The following ERICH1 variants were observed in gnomAD, a reference collection of about 807,000 sequenced individuals.
ERICH1 encodes the protein glutamate-rich protein 1.
In ERICH1, 56 loss-of-function variants were observed where a neutral mutation model predicts 39.6. That is an observed-to-expected ratio of 1.41 (90% CI 1.14 to 1.77). The LOEUF (loss-of-function observed/expected upper bound fraction) is 1.77. ERICH1 is among the 40% of genes most tolerant of loss of function. The pLI is 0.00. For synonymous variants in ERICH1, 313 were observed against 223.6 expected, an observed-to-expected ratio of 1.40 and a Z score of -3.57; for missense variants, 826 against 575.4, an observed-to-expected ratio of 1.44 and a Z score of -4.45.
intron 3 of ERICH1, among the ~76,000 whole-genome samples, chr8:616,960 C>CAGAGAGAGAGAGAGAGAGAG (rs1188369957): frequency 1.0e-4 from 1 of 9,944 alleles, no homozygotes. Flanking sequence ...GAGACAGAGA[C>CAGAGAGAGAGAGAGAGAGAG]ACACAGAGAG....
chr8:652,893 G>A (rs539378104), intron 3 of ERICH1, among the ~76,000 whole-genome samples: 29 of 152,284 alleles, frequency 1.9e-4, no homozygotes, highest in African/African-American at 1.7e-4. Context: ...TCAAAACCAC[G>A]AGGTGCTGCT....
intron 3 of ERICH1, among the ~76,000 whole-genome samples, chr8:684,361 G>A (rs142792771): frequency 1.4e-4 from 22 of 152,140 alleles, no homozygotes; most frequent in African/African-American, 5.3e-4. Context: ...TAAAGCCACA[G>A]TAAATAAAAA....
chr8:706,835 A>T (rs1813391776), intron 2 of ERICH1, among the ~76,000 whole-genome samples: 1 of 152,230 alleles, frequency 6.6e-6, no homozygotes, highest in Non-Finnish European at 1.5e-5. Flanking sequence ...TGGTTGAAAG[A>T]AATTAAAAAG....
intron 3 of ERICH1, among the ~76,000 whole-genome samples, chr8:642,552 G>C (rs567410908): frequency 6.6e-6 from 1 of 151,964 alleles, no homozygotes; most frequent in South Asian, 2.1e-4. Context: ...CACTGTGTTA[G>C]CCAGGATGGT....
In ERICH1 at chr8:691,401, C is replaced by T. The variant is rs565282498; in HGVS notation, c.304+1077G>A. Among the ~76,000 whole-genome samples the T allele has an allele frequency of 1.3e-3, 205 of 152,370 alleles. 2 individuals carry two copies. Among genetic ancestry groups the T allele is most frequent in the Admixed American group, 3.6e-3 (55 of 15,310 alleles). On this transcript the variant is annotated intron_variant, in intron 3 of 5. Coordinates refer to ENST00000262109, the MANE Select transcript of ERICH1 (RefSeq NM_207332.3). ...GGCTCATGGCCAAGCGAGCCTTCTA[C>T]CCTGGGGTCCAGCACAGGCCTGTCC...
At chr8:656,785 G>A in intron 3 of ERICH1, 2 of 985,454 alleles carry the variant, frequency 2.0e-6, no homozygotes, top group Non-Finnish European at 2.4e-6. Context: ...GCACAGCAGT[G>A]GTTCCCAGAC....
At chr8:708,681 G>GTTTTTTTTTGTTTT (rs1813906941) in intron 2 of ERICH1, among the ~76,000 whole-genome samples, 1 of 65,816 alleles carries the variant, frequency 1.5e-5, no homozygotes, top group African/African-American at 5.7e-5. Context: ...GGGATAATGA[G>GTTTTTTTTTGTTTT]TTTTTTTTTT....
chr8:673,796 C>A lies in ERICH1; in HGVS notation c.556G>T (p.Val186Phe). 6.2e-7 allele frequency: 1 copy of A among 1,614,230 alleles called. No homozygotes were observed. The highest frequency in any genetic ancestry group is 8.5e-7 in the Non-Finnish European group (1 of 1,180,054). The change falls in exon 4 of 6, where the codon GTC becomes TTC. Residue 186 changes from valine (V) to phenylalanine (F), a missense_variant. Val to Phe is a conservative substitution (Grantham distance 50). Coordinates refer to ENST00000262109, the MANE Select transcript of ERICH1 (RefSeq NM_207332.3). ...AAGLAAKAAG[V>F]SFMYQPEDSS... is the part of the protein sequence containing the mutation. ...TCCTCGGGCTGGTACATGAAACTGA[C>A]ACCAGCAGCCTTTGCTGCCAAGCCG...
intron 3 of ERICH1, among the ~76,000 whole-genome samples, chr8:642,415 G>A (rs1424086956): frequency 7.2e-6 from 1 of 139,634 alleles, no homozygotes; most frequent in Non-Finnish European, 1.5e-5. Context: ...TGCGATCTCG[G>A]CTCACTGCAA....
At chr8:662,397 C>G (rs1007243333), downstream of ERICH1, among the ~76,000 whole-genome samples, 1 of 152,166 alleles carries the variant, frequency 6.6e-6, no homozygotes, top group Non-Finnish European at 1.5e-5. Context: ...ACCACTAATC[C>G]CAGCACTTTG....
chr8:674,558 G>C (rs778655100), intron 3 of ERICH1, among the ~76,000 whole-genome samples: 11 of 152,106 alleles, frequency 7.2e-5, no homozygotes, highest in Non-Finnish European at 1.6e-4. Context: ...CCTGCCTCGG[G>C]CTCCCAAAGT....
chr8:721,648 C>G (rs767488751), intron 1 of ERICH1, among the ~76,000 whole-genome samples: 7 of 152,214 alleles, frequency 4.6e-5, no homozygotes, highest in Non-Finnish European at 8.8e-5. Flanking sequence ...ACACAAGGAC[C>G]CCACGGACTG....
At chr8:729,121 G>A (rs910047900) in intron 1 of ERICH1, among the ~76,000 whole-genome samples, 2 of 152,170 alleles carry the variant, frequency 1.3e-5, no homozygotes, top group African/African-American at 4.8e-5. Context: ...GAGGGATACC[G>A]TGCCTGATTC....
chr8:719,604 T>C (rs963597344), intron 1 of ERICH1, among the ~76,000 whole-genome samples: 1 of 152,194 alleles, frequency 6.6e-6, no homozygotes, highest in African/African-American at 2.4e-5. Context: ...TCCTCCTCAA[T>C]CTCACCCACT....
chr8:682,483 T>A (rs926560715), intron 3 of ERICH1, among the ~76,000 whole-genome samples: 6 of 152,176 alleles, frequency 3.9e-5, no homozygotes, highest in Non-Finnish European at 8.8e-5. Context: ...ACCCTCCATA[T>A]GACTTTTCAG....
chr8:614,957 C>A (rs715806), exon 4 of ERICH1: 54 of 352,020 alleles, frequency 1.5e-4, no homozygotes, highest in Non-Finnish European at 2.5e-4. Flanking sequence ...GAGGGACAAA[C>A]TGTGACTGAG....
intron 2 of ERICH1, among the ~76,000 whole-genome samples, chr8:705,611 G>A (rs922130317): frequency 6.6e-6 from 1 of 152,104 alleles, no homozygotes; most frequent in Non-Finnish European, 1.5e-5. Flanking sequence ...CTCAAGATCA[G>A]GAATGAGACC....
chr8:665,743 C>T (rs1356469924), intron 5 of ERICH1, among the ~76,000 whole-genome samples: 1 of 152,198 alleles, frequency 6.6e-6, no homozygotes, highest in Non-Finnish European at 1.5e-5. Flanking sequence ...ATGCTGGCAT[C>T]GCAGCTGAAT....
chr8:668,480 T>C (rs777218189), intron 5 of ERICH1, 118 bp downstream of exon 5: 15 of 955,024 alleles, frequency 1.6e-5, no homozygotes, highest in Non-Finnish European at 2.0e-5. Flanking sequence ...TCCCATGCCA[T>C]ATGTGCAGTG....
Sources: gnomAD v4.1 joint callset for allele counts (sites outside exome capture counted in the v4.1 genomes callset) on GRCh38, gnomAD v4.1.1 for gene constraint, MANE v1.5 for transcripts, NCBI Gene and HGNC (gene_info 2026-07-23, HGNC 2026-07-21) for gene names.